The following TSPAN12 variants were observed in gnomAD, a reference collection of about 807,000 sequenced individuals.
The protein encoded by TSPAN12 is tetraspanin 12.
Under a neutral mutation model 39.2 loss-of-function variants are expected in TSPAN12, and 19 were observed. That is an observed-to-expected ratio of 0.49 (90% CI 0.34 to 0.71). TSPAN12 has a LOEUF of 0.71. Ranked by LOEUF, TSPAN12 falls within the 30% of genes least tolerant of loss-of-function variation. The pLI is 0.01. For missense variants in TSPAN12, 314 were observed against 359.9 expected (o/e 0.87, Z 1.03); for synonymous variants, 119 against 124.8 (o/e 0.95, Z 0.31).
chr7:120,815,939 G>A, intron 4 of TSPAN12, 136 bp from the exon 5 acceptor site: 2 of 709,684 alleles, frequency 2.8e-6, no homozygotes, highest in Non-Finnish European at 4.9e-6. Context: ...GAAGCAGATG[G>A]GGAAATTATC....
At chr7:120,834,952 C>T (rs929190963) in intron 4 of TSPAN12, among the ~76,000 whole-genome samples, 1 of 152,204 alleles carries the variant, frequency 6.6e-6, no homozygotes, top group Non-Finnish European at 1.5e-5. Flanking sequence ...CCTTTTCTAA[C>T]AGTCAAATTC....
Position 120,806,555 on chromosome 7 carries a change from A to G in TSPAN12, c.606T>C (p.Tyr202=). ...TAACCATATATGGCCTCACCTCTTG[A>G]TAAAGGTCACTGAGATCTTCCTGGT... ...QAHQEDLSDL[Y]QEGCGKKMYS... The change falls in exon 7 of 8, where the codon TAT becomes TAC. Residue 202 remains tyrosine (Y), a synonymous_variant. Coordinates refer to ENST00000222747, the MANE Select transcript of TSPAN12 (RefSeq NM_012338.4). The G allele has an allele frequency of 6.2e-7, 1 of 1,613,164 alleles. No homozygotes were observed. Among genetic ancestry groups the G allele is most frequent in the Non-Finnish European group, 8.5e-7 (1 of 1,179,322 alleles).
intron 4 of TSPAN12, 26 bp from the exon 5 acceptor site, chr7:120,815,829 G>A (rs931267763): frequency 6.3e-7 from 1 of 1,592,074 alleles, no homozygotes; most frequent in Non-Finnish European, 8.6e-7. Flanking sequence ...AAAGTATGCT[G>A]TTATAGTATC....
At chr7:120,849,601 A>G (rs147090611) in intron 2 of TSPAN12, among the ~76,000 whole-genome samples, 1 of 152,350 alleles carries the variant, frequency 6.6e-6, no homozygotes, top group East Asian at 1.9e-4. Context: ...TAGCAAAGAG[A>G]GGAACATAAA....
At chr7:120,808,616 T>G (rs963282703) in intron 6 of TSPAN12, among the ~76,000 whole-genome samples, 1 of 152,142 alleles carries the variant, frequency 6.6e-6, no homozygotes, top group East Asian at 1.9e-4. Context: ...ATGCTCCAAC[T>G]ACTATGTTAA....
rs1437503069 is a variant in TSPAN12, at chr7:120,815,744, A to G, written c.345T>C (p.Tyr115=). ...CVELACGVWT[Y]EQELMVPVQW... ...TTGAACTCACCATAAGTTCCTGTTC[A>G]TATGTCCAAACGCCACAAGCCAGTT... Residue 115 remains tyrosine (Y), a synonymous_variant, in exon 5 of 8, where the codon TAT becomes TAC. Coordinates refer to ENST00000222747, the MANE Select transcript of TSPAN12 (RefSeq NM_012338.4). 6.2e-7 allele frequency: 1 copy of G among 1,612,674 alleles called. No homozygotes were observed. Among genetic ancestry groups the G allele is most frequent in the Admixed American group, 1.7e-5 (1 of 59,850 alleles).
At chr7:120,853,976 C>T (rs373323539) in intron 2 of TSPAN12, among the ~76,000 whole-genome samples, 1 of 151,310 alleles carries the variant, frequency 6.6e-6, no homozygotes, top group African/African-American at 2.4e-5. Context: ...GAAATTAACA[C>T]TTAAAATATA....
intron 4 of TSPAN12, among the ~76,000 whole-genome samples, chr7:120,832,287 C>A (rs1461675463): frequency 6.6e-6 from 1 of 152,044 alleles, no homozygotes; most frequent in African/African-American, 2.4e-5. Flanking sequence ...CATTTCATCA[C>A]AAGCTGGAAA....
At chr7:120,847,487 T>C (rs1228959903) in intron 2 of TSPAN12, among the ~76,000 whole-genome samples, 1 of 152,184 alleles carries the variant, frequency 6.6e-6, no homozygotes. Flanking sequence ...AACACTAAAC[T>C]TACCTCCATT....
intron 2 of TSPAN12, among the ~76,000 whole-genome samples, chr7:120,850,009 T>G (rs1472576423): frequency 6.6e-6 from 1 of 152,208 alleles, no homozygotes; most frequent in Admixed American, 6.5e-5. Context: ...TGCCTTTTTG[T>G]GAGTCTGTGC....
intron 2 of TSPAN12, among the ~76,000 whole-genome samples, chr7:120,853,552 C>T (rs564299945): frequency 3.4e-5 from 5 of 145,288 alleles, no homozygotes; most frequent in African/African-American, 5.1e-5. Context: ...ATAATATATT[C>T]GTATTTATAC....
At chr7:120,844,750 T>C (rs1415083409) in intron 2 of TSPAN12, among the ~76,000 whole-genome samples, 4 of 152,304 alleles carry the variant, frequency 2.6e-5, no homozygotes, top group Admixed American at 6.5e-5. Context: ...CAGGCTGCCA[T>C]TGAGTGCCTG....
rs1794055947 is a variant in TSPAN12 at position 120,815,175 on chromosome 7, G to A, written c.360+554C>T. On this transcript the variant is annotated intron_variant, in intron 5 of 7. Transcript: ENST00000222747. ...ACCAAATAAAATTTTACAAATTATG[G>A]TTTGGAAATGTGCTTTAGACACAGA... is the stretch of plus-strand genomic sequence containing the variant. Among the ~76,000 whole-genome samples the A allele has an allele frequency of 2.0e-5, 3 of 152,152 alleles. No homozygotes were observed. The South Asian group carries it at 6.2e-4, about 32-fold the overall frequency.
rs1342194838 is a variant in TSPAN12 at position 120,838,688 on chromosome 7, C to T, written c.285+89G>A. On this transcript the variant is annotated intron_variant, in intron 4 of 7. Transcript: ENST00000222747. ...TTACAGGATGTTGTTACTGCTATCA[C>T]TGCTCCCTAATCTTGTGAACTGATT... 2.1e-6 allele frequency: 3 copies of T among 1,396,074 alleles called. No homozygotes were observed. The African/African-American group carries it at 4.4e-5, about 20-fold the overall frequency. The allele number at this position is 1,396,074 out of a possible 1,614,324, so 86.5% of individuals were successfully genotyped here.
At chr7:120,819,590 A>G (rs569663380) in intron 4 of TSPAN12, among the ~76,000 whole-genome samples, 2 of 152,300 alleles carry the variant, frequency 1.3e-5, no homozygotes, top group African/African-American at 4.8e-5. Context: ...CTTTCTTGGA[A>G]TAAATTAAAT....
At chr7:120,799,698 A>G (rs1793720182) in intron 7 of TSPAN12, among the ~76,000 whole-genome samples, 1 of 115,406 alleles carries the variant, frequency 8.7e-6, no homozygotes, top group South Asian at 2.4e-4. Context: ...TTAATTATAT[A>G]ATTATTATAT....
At chr7:120,828,689 A>G (rs1190577513) in intron 4 of TSPAN12, among the ~76,000 whole-genome samples, 1 of 139,332 alleles carries the variant, frequency 7.2e-6, no homozygotes, top group Non-Finnish European at 1.5e-5. Context: ...CAGTACCTTT[A>G]AAAACACAAA....
chr7:120,806,463 A>C (rs1326628913), intron 7 of TSPAN12, 86 bp downstream of exon 7: 1 of 1,513,942 alleles, frequency 6.6e-7, no homozygotes, highest in Admixed American at 1.7e-5. Flanking sequence ...ACAGAGAAGG[A>C]AAATTTCATT....
intron 7 of TSPAN12, among the ~76,000 whole-genome samples, chr7:120,790,597 A>G (rs939569020): frequency 6.6e-6 from 1 of 152,192 alleles, no homozygotes; most frequent in African/African-American, 2.4e-5. Flanking sequence ...AAAACACCAG[A>G]AGCACAGCAT....
Sources: allele counts gnomAD v4.1 joint callset (sites outside exome capture counted in the v4.1 genomes callset), GRCh38; gene constraint gnomAD v4.1.1; transcripts MANE v1.5; gene names NCBI Gene and HGNC (gene_info 2026-07-23, HGNC 2026-07-21).